LRRK2: variants seen among roughly 807,000 people sequenced by gnomAD.
The protein encoded by LRRK2 is leucine rich repeat kinase 2.
A neutral mutation model predicts 302.6 loss-of-function variants in LRRK2; 203 were observed. The observed-to-expected ratio is 0.67, with a 90% CI of 0.60 to 0.75. The LOEUF (loss-of-function observed/expected upper bound fraction) is 0.75, where lower values mean the gene tolerates loss of function less well. LRRK2 is among the 30% of genes least tolerant of loss of function. The probability of loss-of-function intolerance (pLI) is 0.00; values close to 1 mark genes in which losing one functional copy is unlikely to be tolerated. For missense variants in LRRK2, 2,830 were observed against 2,951.0 expected (o/e 0.96, Z 0.95); for synonymous variants, 1,066 against 1,031.9 (o/e 1.03, Z -0.63).
intron 40 of LRRK2, among the ~76,000 whole-genome samples, chr12:40,337,005 C>T (rs1945893135): frequency 6.6e-6 from 1 of 152,166 alleles, no homozygotes; most frequent in Non-Finnish European, 1.5e-5. Context: ...ACAAATCCAG[C>T]AGTTTCTGAT....
chr12:40,325,273 C>T (rs186297967), intron 38 of LRRK2, among the ~76,000 whole-genome samples: 169 of 152,212 alleles, frequency 1.1e-3, no homozygotes, highest in Non-Finnish European at 2.1e-3. Context: ...GGCGACAGAG[C>T]GTCTCAAAAC....
At chr12:40,362,010 A>C (rs1295858802) in intron 47 of LRRK2, among the ~76,000 whole-genome samples, 1 of 152,094 alleles carries the variant, frequency 6.6e-6, no homozygotes, top group Admixed American at 6.6e-5. Flanking sequence ...GACCTTGAGC[A>C]AATTATTTAG....
chr12:40,276,998 A>G (rs1012993167), intron 16 of LRRK2, among the ~76,000 whole-genome samples: 1 of 151,924 alleles, frequency 6.6e-6, no homozygotes, highest in African/African-American at 2.4e-5. Context: ...AGGTGCATGC[A>G]CGGGTAATTT....
At chr12:40,258,878 G>A (rs1222130710) in intron 12 of LRRK2, among the ~76,000 whole-genome samples, 4 of 152,122 alleles carry the variant, frequency 2.6e-5, no homozygotes, top group Admixed American at 1.3e-4. Flanking sequence ...AGCAAAGCAA[G>A]GATTGACTGT....
intron 19 of LRRK2, 152 bp from the exon 20 acceptor site, chr12:40,287,199 A>G (rs1308837581): frequency 1.5e-6 from 1 of 673,128 alleles, no homozygotes; most frequent in Non-Finnish European, 2.5e-6. Flanking sequence ...CCACCTGTTA[A>G]TTATTCAGGA....
chr12:40,245,507 TAGGCAC>T (rs963454748), intron 7 of LRRK2, among the ~76,000 whole-genome samples: 13 of 152,138 alleles, frequency 8.5e-5, no homozygotes, highest in African/African-American at 3.1e-4. Context: ...CATTCTTTTT[TAGGCAC>T]AGCTTGCCTT....
At chr12:40,238,891 A>G (rs1339166233) in intron 5 of LRRK2, among the ~76,000 whole-genome samples, 3 of 152,200 alleles carry the variant, frequency 2.0e-5, no homozygotes, top group Non-Finnish European at 4.4e-5. Flanking sequence ...AACAGCTTAT[A>G]GATAATTATA....
chr12:40,300,741 G>A (rs572935017), intron 25 of LRRK2: 22 of 469,302 alleles, frequency 4.7e-5, no homozygotes, highest in Admixed American at 9.4e-5. Flanking sequence ...TAAGTTCAGA[G>A]CACAGACAAA....
Position 40,263,787 on chromosome 12 carries a change from A to C in LRRK2, c.1544-2A>C. On this transcript the variant is annotated splice_acceptor_variant, in intron 13 of 50. Coordinates refer to ENST00000298910, the MANE Select transcript of LRRK2 (RefSeq NM_198578.4). LOFTEE classifies it high-confidence loss of function. Reference sequence around the variant, plus strand: ...TCTTTATTTATTTATCTGTGCATTTAGGCATGCCAGAAGAATCCAGGGAGG... The same window carrying C: ...TCTTTATTTATTTATCTGTGCATTTCGGCATGCCAGAAGAATCCAGGGAGG... The C allele has an allele frequency of 6.3e-7, 1 of 1,591,822 alleles. No homozygotes were observed. The highest frequency in any genetic ancestry group is 8.6e-7 in the Non-Finnish European group (1 of 1,160,180).
At chr12:40,237,823 C>CAACAAACAAACA (rs58016929) in intron 4 of LRRK2, 146 bp from the exon 5 acceptor site, 9 of 753,002 alleles carry the variant, frequency 1.2e-5, no homozygotes, top group Non-Finnish European at 1.9e-5. Flanking sequence ...AGTAGTTTAT[C>CAACAAACAAACA]AACAAACAAA....
At chr12:40,366,943 T>C in intron 49 of LRRK2, 63 bp from the exon 50 acceptor site, 1 of 1,302,488 alleles carries the variant, frequency 7.7e-7, no homozygotes, top group Non-Finnish European at 1.1e-6. Context: ...AACTTTACTT[T>C]TTTTTCAGGC....
At chr12:40,347,925 C>A (rs1472468707) in intron 42 of LRRK2, among the ~76,000 whole-genome samples, 1 of 150,578 alleles carries the variant, frequency 6.6e-6, no homozygotes, top group East Asian at 2.0e-4. Flanking sequence ...CCACTGCACT[C>A]CAGCCTAAGC....
intron 5 of LRRK2, among the ~76,000 whole-genome samples, chr12:40,239,488 C>T (rs960278933): frequency 7.9e-5 from 12 of 152,232 alleles, no homozygotes; most frequent in East Asian, 3.9e-4. Flanking sequence ...TTATCACCAT[C>T]GTTGTTTAGT....
intron 16 of LRRK2, among the ~76,000 whole-genome samples, chr12:40,276,274 A>G (rs1394297448): frequency 1.3e-5 from 2 of 152,088 alleles, no homozygotes; most frequent in Admixed American, 6.5e-5. Flanking sequence ...GCCTGCCAAC[A>G]TATTTTATTT....
chr12:40,311,529 GA>G (rs1304674681), intron 31 of LRRK2, among the ~76,000 whole-genome samples: 2 of 152,164 alleles, frequency 1.3e-5, no homozygotes, highest in Non-Finnish European at 2.9e-5. Flanking sequence ...CTGATAAATA[GA>G]GTCCTATTTG....
chr12:40,282,425 C>T (rs1046060733), intron 18 of LRRK2, among the ~76,000 whole-genome samples: 3 of 151,914 alleles, frequency 2.0e-5, no homozygotes, highest in African/African-American at 7.2e-5. Flanking sequence ...GGATGGGAGC[C>T]GGGAGGAGAA....
intron 20 of LRRK2, among the ~76,000 whole-genome samples, chr12:40,288,735 G>A (rs1944026969): frequency 6.6e-6 from 1 of 151,696 alleles, no homozygotes; most frequent in East Asian, 1.9e-4. Context: ...TCTTATTTTT[G>A]TGTGAAGTGT....
chr12:40,283,422 T>C (rs1447020738), intron 18 of LRRK2, among the ~76,000 whole-genome samples: 1 of 152,224 alleles, frequency 6.6e-6, no homozygotes, highest in African/African-American at 2.4e-5. Context: ...GTGGCATTAA[T>C]AAATTTTACA....
chr12:40,225,467 T>A, intron 1 of LRRK2, 88 bp from the exon 2 acceptor site: 1 of 1,344,052 alleles, frequency 7.4e-7, no homozygotes, highest in South Asian at 1.2e-5. Context: ...TTCACCTTTT[T>A]GACTTTTCTC....
Sources: gnomAD v4.1 joint callset for allele counts (sites outside exome capture counted in the v4.1 genomes callset) on GRCh38, gnomAD v4.1.1 for gene constraint, MANE v1.5 for transcripts, NCBI Gene and HGNC (gene_info 2026-07-23, HGNC 2026-07-21) for gene names.